The following EDDM13 variants were observed in gnomAD, a reference collection of about 807,000 sequenced individuals.
The protein encoded by EDDM13 is epididymal protein 13.
EDDM13 carries 24 observed loss-of-function variants against 17.8 expected under a neutral mutation model. That is an observed-to-expected ratio of 1.35 (90% CI 0.98 to 1.90). The LOEUF (loss-of-function observed/expected upper bound fraction) is 1.90. EDDM13 is among the 40% of genes most tolerant of loss of function. The pLI, the probability that EDDM13 is intolerant of heterozygous loss-of-function variation, is 0.00. For synonymous variants in EDDM13, 31 were observed against 37.5 expected, an observed-to-expected ratio of 0.83 and a Z score of 0.63; for missense variants, 97 against 100.8, an observed-to-expected ratio of 0.96 and a Z score of 0.16.
At chr19:56,274,039 C>T (rs10427066) in intron 1 of EDDM13, among the ~76,000 whole-genome samples, 21,063 of 152,110 alleles carry the variant, frequency 0.14, 1,729 homozygotes, top group Middle Eastern at 0.21. Context: ...AAACAGCTCA[C>T]AGGATTGAGT....
chr19:56,290,451 G>C (rs867608631), intron 8 of EDDM13, among the ~76,000 whole-genome samples: 3 of 152,340 alleles, frequency 2.0e-5, no homozygotes, highest in East Asian at 3.9e-4. Flanking sequence ...CTCTGAGCTA[G>C]AGCAGTGCTT....
Position 56,284,197 on chromosome 19 carries a change from G to A in EDDM13, c.119-1G>A. 3 of 985,296 alleles carry A rather than the reference G, an allele frequency of 3.0e-6. No homozygotes were observed. Among genetic ancestry groups the A allele is most frequent in the Non-Finnish European group, 3.6e-6 (3 of 829,896 alleles). 61.0% of individuals were successfully genotyped at this position (985,296 alleles called of 1,614,324 possible). ...GACTCTCCTGGATGGGCTGCCATCA[G>A]GGATCATAGGTAAGTACCTTGCCAC... On this transcript the variant is annotated splice_acceptor_variant, in intron 4 of 14. Transcript: ENST00000649256. LOFTEE classifies it high-confidence loss of function.
chr19:56,300,237 A>T (rs2040140035), intron 12 of EDDM13, among the ~76,000 whole-genome samples: 1 of 152,142 alleles, frequency 6.6e-6, no homozygotes, highest in Non-Finnish European at 1.5e-5. Context: ...GAAAAAAAAA[A>T]TTTCACCCTT....
Position 56,297,493 on chromosome 19 carries a change from C to T in EDDM13, c.269-12C>T, listed in dbSNP as rs375703312. On this transcript the variant is annotated splice_polypyrimidine_tract_variant and intron_variant, in intron 11 of 14. Coordinates refer to ENST00000649256, the MANE Select transcript of EDDM13 (RefSeq NM_001354658.2). ...TCCTGCTTCTTTTTCTCCTCCATCT[C>T]TTCATTTTTAGAAGAAACAAGTGGC... 5.1e-6 allele frequency: 5 copies of T among 983,014 alleles called. No individual in the cohort carries two copies. In the African/African-American group the frequency reaches 7.0e-5, roughly 14 times the overall value. 60.9% of individuals were successfully genotyped at this position (983,014 alleles called of 1,614,324 possible).
chr19:56,302,569 T>TCTCCCTC (rs2147273903), intron 13 of EDDM13, among the ~76,000 whole-genome samples: 1 of 66,654 alleles, frequency 1.5e-5, no homozygotes, highest in East Asian at 5.5e-4. Flanking sequence ...CCCCCCTTCC[T>TCTCCCTC]TTTCTTCCTC....
chr19:56,295,324 T>C (rs2039794308), intron 9 of EDDM13, among the ~76,000 whole-genome samples: 1 of 152,120 alleles, frequency 6.6e-6, no homozygotes, highest in Non-Finnish European at 1.5e-5. Context: ...CCTGGCATGG[T>C]AGCTCACACC....
At chr19:56,279,109 T>C (rs1022619837) in intron 2 of EDDM13, among the ~76,000 whole-genome samples, 1 of 152,170 alleles carries the variant, frequency 6.6e-6, no homozygotes, top group East Asian at 1.9e-4. Flanking sequence ...TACTGAAGCA[T>C]TGAGAATAAA....
In EDDM13 at chr19:56,310,291, C is replaced by T. The variant is rs1266347933; in HGVS notation, c.*143C>T. ...CTTTAAGGAATGGCACCTGGGTGCC[C>T]AGAGGCATGGCCAGAAGGTGTCTGT... On this transcript the variant is annotated 3_prime_UTR_variant, in exon 15 of 15. Transcript: ENST00000649256. 6.6e-6 allele frequency: 1 copy of T among 152,268 alleles called. No individual in the cohort carries two copies. Among genetic ancestry groups the T allele is most frequent in the Non-Finnish European group, 1.5e-5 (1 of 68,104 alleles). 9.4% of individuals were successfully genotyped at this position (152,268 alleles called of 1,614,324 possible). A position where few individuals can be genotyped will look rare whatever the true frequency, so the allele number is the denominator to read the frequency against.
At chr19:56,300,198 A>T (rs1030089732) in intron 12 of EDDM13, among the ~76,000 whole-genome samples, 2 of 152,206 alleles carry the variant, frequency 1.3e-5, no homozygotes, top group African/African-American at 4.8e-5. Flanking sequence ...TTAAACCAGA[A>T]CATGATATGC....
At chr19:56,289,347 A>T (rs943452169) in intron 8 of EDDM13, among the ~76,000 whole-genome samples, 1 of 152,204 alleles carries the variant, frequency 6.6e-6, no homozygotes, top group African/African-American at 2.4e-5. Flanking sequence ...CTCCAAAGGA[A>T]AAGTGATAGT....
Position 56,290,848 on chromosome 19 carries a change from T to C in EDDM13, c.232+2T>C, listed in dbSNP as rs1232080275. ...TTCTGCTACTTCCTCCAGTAAAAAG[T>C]AAGTTATTTTTCCTTTCCTATGGGT... On this transcript the variant is annotated splice_donor_variant, in intron 9 of 14. Coordinates refer to ENST00000649256, the MANE Select transcript of EDDM13 (RefSeq NM_001354658.2). LOFTEE classifies it high-confidence loss of function. Among the ~76,000 whole-genome samples, 1 of 152,196 alleles carries C rather than the reference T, an allele frequency of 6.6e-6. No individual in the cohort carries two copies. Among genetic ancestry groups the C allele is most frequent in the East Asian group, 1.9e-4 (1 of 5,200 alleles).
rs187541858 is a variant in EDDM13 at position 56,279,805 on chromosome 19, T to A, written c.104-1888T>A. Reference sequence around the variant, plus strand: ...AATGCAAACATCTCATGATCCACACTGTTTTTGTTTCAATTTAAAATATTA... The same window carrying A: ...AATGCAAACATCTCATGATCCACACAGTTTTTGTTTCAATTTAAAATATTA... On this transcript the variant is annotated intron_variant, in intron 2 of 14. Transcript: ENST00000649256. Among the ~76,000 whole-genome samples the A allele has an allele frequency of 2.4e-3, 363 of 152,314 alleles. 6 individuals are homozygous for A. The highest frequency in any genetic ancestry group is 0.019 in the Admixed American group (284 of 15,302).
rs1002924712 is a variant in EDDM13, at chr19:56,296,361, T to C, written c.267T>C (p.His89=). The C allele has an allele frequency of 1.3e-5, 2 of 152,192 alleles. No individual in the cohort carries two copies. The highest frequency in any genetic ancestry group is 6.5e-5 in the Admixed American group (1 of 15,284). 9.4% of individuals were successfully genotyped at this position (152,192 alleles called of 1,614,324 possible). A position where few individuals can be genotyped will look rare whatever the true frequency, so the allele number is the denominator to read the frequency against. The change falls in exon 11 of 15, where the codon CAT becomes CAC. Residue 89 remains histidine (H), a splice_region_variant and synonymous_variant. Transcript: ENST00000649256. The part of the protein sequence containing the change: ...ILGLLSLQVL[H]EETSGCKEEV... ...GCTTGCTGAGCCTCCAAGTACTGCATGGTAAGTCTGGTGACTGCTATTTCG... is the reference window on the plus strand; with the variant it reads ...GCTTGCTGAGCCTCCAAGTACTGCACGGTAAGTCTGGTGACTGCTATTTCG...
At chr19:56,275,187 G>A (rs1374626426) in intron 1 of EDDM13, among the ~76,000 whole-genome samples, 4 of 152,072 alleles carry the variant, frequency 2.6e-5, no homozygotes, top group African/African-American at 7.2e-5. Context: ...TAATAAATAC[G>A]CTGGGGGAGA....
At chr19:56,281,327 A>C (rs930475703) in intron 2 of EDDM13, among the ~76,000 whole-genome samples, 5 of 150,390 alleles carry the variant, frequency 3.3e-5, no homozygotes, top group Admixed American at 2.7e-4. Context: ...ATGTAGTTCA[A>C]ACCTGTATTG....
chr19:56,294,441 T>C (rs942742078), intron 9 of EDDM13, among the ~76,000 whole-genome samples: 23 of 152,360 alleles, frequency 1.5e-4, no homozygotes, highest in Middle Eastern at 6.8e-3. Flanking sequence ...GAGATAATAT[T>C]TTTTGCTTGT....
chr19:56,294,495 T>C (rs986211462), intron 9 of EDDM13, among the ~76,000 whole-genome samples: 6 of 152,232 alleles, frequency 3.9e-5, no homozygotes, highest in Admixed American at 2.0e-4. Flanking sequence ...CAGCATTTTT[T>C]TTTCTGTTTT....
chr19:56,284,973 T>A, intron 5 of EDDM13, 25 bp from the exon 6 acceptor site: 1 of 982,992 alleles, frequency 1.0e-6, no homozygotes, highest in Non-Finnish European at 1.2e-6. Context: ...CATTTGCACA[T>A]CATGTGTTAT....
chr19:56,288,309 G>A (rs1041521717), intron 6 of EDDM13, among the ~76,000 whole-genome samples, 76 bp from the exon 7 acceptor site: 2 of 152,146 alleles, frequency 1.3e-5, no homozygotes, highest in African/African-American at 2.4e-5. Flanking sequence ...CGCCCACATC[G>A]TTCCCTCTGT....
Sources: allele counts gnomAD v4.1 joint callset (sites outside exome capture counted in the v4.1 genomes callset), GRCh38; gene constraint gnomAD v4.1.1; transcripts MANE v1.5; gene names NCBI Gene and HGNC (gene_info 2026-07-23, HGNC 2026-07-21).